VAV3: variants seen among roughly 807,000 people sequenced by gnomAD.
VAV3 encodes the protein vav guanine nucleotide exchange factor 3.
A neutral mutation model predicts 131.2 loss-of-function variants in VAV3; 94 were observed. That is an observed-to-expected ratio of 0.72 (90% CI 0.61 to 0.85). VAV3 has a LOEUF of 0.85. Among genes scored for constraint, VAV3 ranks in the 40% least tolerant of loss-of-function variants. The probability of loss-of-function intolerance (pLI) is 0.00; values close to 1 mark genes in which losing one functional copy is unlikely to be tolerated. For synonymous variants in VAV3, 349 were observed against 342.0 expected (o/e 1.02, Z -0.22); for missense variants, 939 against 1,002.7 (o/e 0.94, Z 0.86).
chr1:107,884,424 T>C (rs1670934276), intron 1 of VAV3, among the ~76,000 whole-genome samples: 1 of 143,634 alleles, frequency 7.0e-6, no homozygotes, highest in Non-Finnish European at 1.5e-5. Context: ...ATTATTATTA[T>C]TATTATTATT....
chr1:107,630,584 C>G (rs1654391275), intron 20 of VAV3, among the ~76,000 whole-genome samples: 1 of 152,138 alleles, frequency 6.6e-6, no homozygotes, highest in African/African-American at 2.4e-5. Context: ...ACATAACTTG[C>G]TTCTCCAGAG....
chr1:107,909,745 A>G (rs897389264), intron 1 of VAV3, among the ~76,000 whole-genome samples: 1 of 151,458 alleles, frequency 6.6e-6, no homozygotes, highest in Non-Finnish European at 1.5e-5. Context: ...TTTAAATATC[A>G]TAATGTAATG....
chr1:107,768,228 C>T (rs995682353), intron 7 of VAV3, among the ~76,000 whole-genome samples: 3 of 152,034 alleles, frequency 2.0e-5, no homozygotes, highest in Non-Finnish European at 2.9e-5. Context: ...TTGTGTTCTT[C>T]GTACATGTTG....
At chr1:107,641,089 T>A (rs1402890796) in intron 20 of VAV3, among the ~76,000 whole-genome samples, 4 of 152,194 alleles carry the variant, frequency 2.6e-5, no homozygotes, top group Non-Finnish European at 5.9e-5. Flanking sequence ...AAGTCTGTTG[T>A]TCTCTCTTTT....
chr1:107,668,944 G>T, intron 19 of VAV3: 1 of 988,666 alleles, frequency 1.0e-6, no homozygotes, highest in East Asian at 1.1e-4. Context: ...GTGTTTATTT[G>T]AATTCTCTTC....
At chr1:107,943,379 T>C (rs1366812730) in intron 1 of VAV3, among the ~76,000 whole-genome samples, 3 of 152,200 alleles carry the variant, frequency 2.0e-5, no homozygotes, top group Non-Finnish European at 2.9e-5. Context: ...GGGCCTTCAT[T>C]TGGCCTAGAA....
chr1:107,797,543 T>G (rs1666606655), intron 2 of VAV3, among the ~76,000 whole-genome samples: 3 of 152,186 alleles, frequency 2.0e-5, no homozygotes, highest in Admixed American at 2.0e-4. Flanking sequence ...CAAGTCCAGC[T>G]GGATTTCTGG....
intron 2 of VAV3, among the ~76,000 whole-genome samples, chr1:107,853,620 T>C (rs1431467099): frequency 6.6e-6 from 1 of 151,430 alleles, no homozygotes; most frequent in East Asian, 1.9e-4. Flanking sequence ...GTTCTTTTAA[T>C]GTCTTTAAAA....
At chr1:107,861,135 G>A (rs896667196) in intron 2 of VAV3, among the ~76,000 whole-genome samples, 2 of 151,404 alleles carry the variant, frequency 1.3e-5, no homozygotes, top group Admixed American at 1.3e-4. Flanking sequence ...CTGCAGAAGG[G>A]ATTCCAACCA....
intron 19 of VAV3, among the ~76,000 whole-genome samples, chr1:107,652,522 G>A (rs1656247474): frequency 6.6e-6 from 1 of 152,046 alleles, no homozygotes; most frequent in African/African-American, 2.4e-5. Flanking sequence ...TCTGGATTGG[G>A]ACCCCTTTCC....
At chr1:107,675,785 A>G (rs1158008857) in intron 19 of VAV3, among the ~76,000 whole-genome samples, 1 of 152,214 alleles carries the variant, frequency 6.6e-6, no homozygotes, top group African/African-American at 2.4e-5. Context: ...AGATAACAGT[A>G]GAAAAAAGGA....
chr1:107,719,549 A>C (rs995578985), intron 15 of VAV3, among the ~76,000 whole-genome samples: 10 of 152,226 alleles, frequency 6.6e-5, no homozygotes, highest in Admixed American at 5.9e-4. Flanking sequence ...GATCAGTAAA[A>C]AGTCAGGAAA....
intron 15 of VAV3, among the ~76,000 whole-genome samples, chr1:107,745,777 T>C (rs1325339941): frequency 1.3e-5 from 2 of 152,244 alleles, no homozygotes; most frequent in Non-Finnish European, 2.9e-5. Flanking sequence ...TGCCATCTTC[T>C]GTAAATAGAA....
intron 20 of VAV3, among the ~76,000 whole-genome samples, chr1:107,621,256 A>G (rs544687857): frequency 6.6e-6 from 1 of 152,202 alleles, no homozygotes; most frequent in African/African-American, 2.4e-5. Context: ...TCTGTAGATG[A>G]CAGAGAGGTG....
intron 1 of VAV3, among the ~76,000 whole-genome samples, chr1:107,889,204 A>G (rs1671200044): frequency 6.6e-6 from 1 of 150,768 alleles, no homozygotes; most frequent in Non-Finnish European, 1.5e-5. Context: ...TTCAGGGCAT[A>G]TAACAATGCC....
At chr1:107,822,193 G>A (rs2102362794) in intron 2 of VAV3, among the ~76,000 whole-genome samples, 1 of 152,224 alleles carries the variant, frequency 6.6e-6, no homozygotes, top group South Asian at 2.1e-4. Context: ...GCTTTGGTTT[G>A]TAAATTGTTA....
intron 20 of VAV3, among the ~76,000 whole-genome samples, chr1:107,631,985 A>G (rs1368939786): frequency 6.6e-6 from 1 of 152,134 alleles, no homozygotes; most frequent in Non-Finnish European, 1.5e-5. Context: ...TCTTTTGGGT[A>G]TATACCCAGT....
chr1:107,590,813 T>C (rs918488355), intron 25 of VAV3, among the ~76,000 whole-genome samples: 1 of 152,178 alleles, frequency 6.6e-6, no homozygotes, highest in Non-Finnish European at 1.5e-5. Context: ...GCTGTCACTA[T>C]GCAACTCATG....
At chr1:107,645,320 TA>T (rs1182366017) in intron 19 of VAV3, among the ~76,000 whole-genome samples, 4 of 19,264 alleles carry the variant, frequency 2.1e-4, no homozygotes. Flanking sequence ...TAATGGAATG[TA>T]TTTTTTTTTT....
Sources: gnomAD v4.1 joint callset for allele counts (sites outside exome capture counted in the v4.1 genomes callset) on GRCh38, gnomAD v4.1.1 for gene constraint, MANE v1.5 for transcripts, NCBI Gene and HGNC (gene_info 2026-07-23, HGNC 2026-07-21) for gene names.